DOT1L: variants seen among roughly 807,000 people sequenced by gnomAD.
DOT1L encodes the protein DOT1 like histone lysine methyltransferase, also known as histone-lysine N-methyltransferase, H3 lysine-79 specific.
DOT1L carries 33 observed loss-of-function variants against 153.3 expected under a neutral mutation model. The ratio of observed to expected loss-of-function variants is 0.22; its 90% CI spans 0.16 to 0.29. DOT1L has a LOEUF of 0.29. DOT1L is among the 10% of genes least tolerant of loss of function. DOT1L has a pLI of 1.00. For synonymous variants in DOT1L, 1,135 were observed against 965.1 expected (o/e 1.18, Z -3.26); for missense variants, 1,847 against 2,119.9 (o/e 0.87, Z 2.53).
chr19:2,182,010 G>A (rs967482849), intron 2 of DOT1L, among the ~76,000 whole-genome samples: 4 of 152,082 alleles, frequency 2.6e-5, no homozygotes, highest in African/African-American at 7.2e-5. Flanking sequence ...ATCGCTTGAG[G>A]CCAGGAGTTC....
rs375399074 is a variant in DOT1L, at chr19:2,172,646, A to C, written c.82-8067A>C. Reference sequence around the variant, plus strand: ...CAGCCTCCCGAGTAGCTGGGATTACAGATGTGTGCCACCAGGCCCAGCTAG... The same window carrying C: ...CAGCCTCCCGAGTAGCTGGGATTACCGATGTGTGCCACCAGGCCCAGCTAG... On this transcript the variant is annotated intron_variant, in intron 1 of 27. Coordinates refer to ENST00000398665, the MANE Select transcript of DOT1L (RefSeq NM_032482.3). Among the ~76,000 whole-genome samples the C allele has an allele frequency of 2.6e-5, 4 of 151,328 alleles. No homozygotes were observed. The South Asian group carries it at 6.3e-4, about 24-fold the overall frequency.
chr19:2,186,726 C>G (rs1223039899), intron 3 of DOT1L, among the ~76,000 whole-genome samples: 4 of 152,372 alleles, frequency 2.6e-5, no homozygotes, highest in African/African-American at 9.6e-5. Flanking sequence ...ATTCCCTGGT[C>G]AGCACCCTGG....
chr19:2,168,038 G>C (rs1376846548), intron 1 of DOT1L, among the ~76,000 whole-genome samples: 1 of 152,166 alleles, frequency 6.6e-6, no homozygotes, highest in African/African-American at 2.4e-5. Flanking sequence ...CCCAGACGCA[G>C]CTGCAGCAGC....
At chr19:2,223,218 G>A (rs2024195906) in intron 24 of DOT1L, 63 bp from the exon 25 acceptor site, 12 of 1,571,462 alleles carry the variant, frequency 7.6e-6, no homozygotes, top group Non-Finnish European at 1.0e-5. Flanking sequence ...GGGCGGGGGG[G>A]CTCTCCTGCC....
intron 27 of DOT1L, chr19:2,228,554 C>G: frequency 1.0e-6 from 1 of 985,382 alleles, no homozygotes; most frequent in Non-Finnish European, 1.2e-6. Flanking sequence ...ACAGGACGGG[C>G]ACCAGCCATG....
Position 2,230,658 on chromosome 19 carries a change from G to A in DOT1L, c.*866G>A, listed in dbSNP as rs1471606576. 3 of 398,480 alleles carry A rather than the reference G, an allele frequency of 7.5e-6. No individual in the cohort carries two copies. Among genetic ancestry groups the A allele is most frequent in the Non-Finnish European group, 8.8e-6 (2 of 226,056 alleles). 24.7% of individuals were successfully genotyped at this position (398,480 alleles called of 1,614,324 possible). On this transcript the variant is annotated 3_prime_UTR_variant, in exon 28 of 28. Coordinates refer to ENST00000398665, the MANE Select transcript of DOT1L (RefSeq NM_032482.3). ...CTAATGAGTGGCAGTATTTTATAGAGATGTGATGAGAATTTATAAATTTCA... is the reference window on the plus strand; with the variant it reads ...CTAATGAGTGGCAGTATTTTATAGAAATGTGATGAGAATTTATAAATTTCA...
chr19:2,180,475 C>T (rs2022180555), intron 1 of DOT1L, among the ~76,000 whole-genome samples: 1 of 152,122 alleles, frequency 6.6e-6, no homozygotes, highest in Admixed American at 6.5e-5. Flanking sequence ...GCTGCCTGCT[C>T]GCTGCCTGTA....
chr19:2,198,341 G>A (rs958881182), intron 7 of DOT1L, among the ~76,000 whole-genome samples: 6 of 152,270 alleles, frequency 3.9e-5, no homozygotes, highest in Middle Eastern at 3.4e-3. Flanking sequence ...AGGATGGCTC[G>A]CCTGCGCACC....
rs1231164038 is a variant in DOT1L at position 2,175,004 on chromosome 19, A to T, written c.82-5709A>T. ...TGTGTGTGTGTGTGTGTATATATAT[A>T]TTTTTTTTTTTTTAGATGGAGTCTT... On this transcript the variant is annotated intron_variant, in intron 1 of 27. Coordinates refer to ENST00000398665, the MANE Select transcript of DOT1L (RefSeq NM_032482.3). Among the ~76,000 whole-genome samples, 1,054 of 107,140 alleles carry T rather than the reference A, an allele frequency of 9.8e-3. 17 individuals are homozygous for T. The highest frequency in any genetic ancestry group is 0.044 in the African/African-American group (742 of 16,702). 70.3% of individuals were successfully genotyped at this position (107,140 alleles called of 152,430 possible).
intron 20 of DOT1L, 73 bp from the exon 21 acceptor site, chr19:2,216,882 G>C: frequency 6.4e-7 from 1 of 1,563,946 alleles, no homozygotes; most frequent in Non-Finnish European, 8.7e-7. Context: ...GAGGTGGGGA[G>C]GTGCTGGGCC....
chr19:2,207,644 A>G lies in DOT1L; in HGVS notation c.927A>G (p.Pro309=), dbSNP rs369338855. 1.3e-4 allele frequency: 203 copies of G among 1,612,940 alleles called. No individual in the cohort carries two copies. The highest frequency in any genetic ancestry group is 8.3e-4 in the Middle Eastern group (5 of 6,058). ...LKGSVSWTGK[P]VSYYLHTIDR... ...GCTCGGTGTCGTGGACGGGGAAGCC[A>G]GTCTCCTACTACCTGCACACTATCG... Residue 309 remains proline, a synonymous_variant, in exon 11 of 28, where the codon CCA becomes CCG. Coordinates refer to ENST00000398665, the MANE Select transcript of DOT1L (RefSeq NM_032482.3). The surrounding 1 kb of genome is among the most constrained non-coding windows in gnomAD (Gnocchi z 4.5).
Position 2,191,719 on chromosome 19 carries a change from C to T in DOT1L, c.493+479C>T, listed in dbSNP as rs968826160. Among the ~76,000 whole-genome samples, 4 of 151,966 alleles carry T rather than the reference C, an allele frequency of 2.6e-5. No individual in the cohort carries two copies. The highest frequency in any genetic ancestry group is 4.8e-5 in the African/African-American group (2 of 41,372). The stretch of plus-strand genomic sequence containing the variant: ...GTCCCTGGGCTCCCGGAGGCCCTCG[C>T]GCCCTCCCTGCATCCCCAGTCTCCC... On this transcript the variant is annotated intron_variant, in intron 5 of 27. Coordinates refer to ENST00000398665, the MANE Select transcript of DOT1L (RefSeq NM_032482.3). This position sits in a 1 kb window ranked among gnomAD's most constrained non-coding sequence, Gnocchi z 6.8.
chr19:2,221,908 G>T, intron 23 of DOT1L, 68 bp from the exon 24 acceptor site: 7 of 1,450,734 alleles, frequency 4.8e-6, no homozygotes, highest in Non-Finnish European at 6.4e-6. Flanking sequence ...AGGGGGTGGT[G>T]CTCCCACAGC....
At chr19:2,202,868 C>T (rs2023344565) in intron 9 of DOT1L, 89 bp downstream of exon 9, 2 of 1,369,880 alleles carry the variant, frequency 1.5e-6, no homozygotes, top group Admixed American at 1.7e-5. Flanking sequence ...CTGCAGAAGG[C>T]AGCTCAGACT....
rs1192175891 is a variant in DOT1L at position 2,204,480 on chromosome 19, C to T, written c.787+1701C>T. 6.6e-6 allele frequency among the ~76,000 whole-genome samples: 1 copy of T among 152,200 alleles called. No homozygotes were observed. Among genetic ancestry groups the T allele is most frequent in the Non-Finnish European group, 1.5e-5 (1 of 68,038 alleles). ...GCACTACGGGCCTCCCTGCACCCTG[C>T]AGCTGCATGCAGGAAGGCAGCAGTG... is the stretch of plus-strand genomic sequence containing the variant. On this transcript the variant is annotated intron_variant, in intron 9 of 27. Transcript: ENST00000398665. The surrounding 1 kb of genome is among the most constrained non-coding windows in gnomAD (Gnocchi z 5.7).
chr19:2,213,390 C>G (rs1268482928), intron 16 of DOT1L, 149 bp from the exon 17 acceptor site: 1 of 720,704 alleles, frequency 1.4e-6, no homozygotes, highest in African/African-American at 1.8e-5. Flanking sequence ...CTGAGTATTT[C>G]TTGACATCTC....
intron 9 of DOT1L, among the ~76,000 whole-genome samples, chr19:2,205,645 T>G (rs2023462437): frequency 6.6e-6 from 1 of 152,332 alleles, no homozygotes; most frequent in Admixed American, 6.5e-5. Flanking sequence ...TTGTTCCTGC[T>G]TGTGTACGGC....
chr19:2,188,209 G>A (rs1484724280), intron 3 of DOT1L: 1 of 152,268 alleles, frequency 6.6e-6, no homozygotes, highest in Non-Finnish European at 1.5e-5. Context: ...GCTGGTTAAG[G>A]AAAACATGAA....
chr19:2,175,455 T>C (rs1390289581), intron 1 of DOT1L, among the ~76,000 whole-genome samples: 1 of 152,208 alleles, frequency 6.6e-6, no homozygotes, highest in African/African-American at 2.4e-5. Flanking sequence ...CATGGGCCAC[T>C]GCATCTGGCC....
Sources: gnomAD v4.1 joint callset for allele counts (sites outside exome capture counted in the v4.1 genomes callset) on GRCh38, gnomAD v4.1.1 for gene constraint, Gnocchi (gnomAD v3.1) non-coding constraint, MANE v1.5 for transcripts, NCBI Gene and HGNC (gene_info 2026-07-23, HGNC 2026-07-21) for gene names.